FNIP2: variants seen among roughly 807,000 people sequenced by gnomAD.
The protein encoded by FNIP2 is folliculin interacting protein 2, also known as folliculin-interacting protein 2.
A neutral mutation model predicts 108.7 loss-of-function variants in FNIP2; 32 were observed. That is an observed-to-expected ratio of 0.29 (90% CI 0.22 to 0.40). The LOEUF (loss-of-function observed/expected upper bound fraction) is 0.40. Among genes scored for constraint, FNIP2 ranks in the 10% least tolerant of loss-of-function variants. The probability of loss-of-function intolerance (pLI) is 1.00; values close to 1 mark genes in which losing one functional copy is unlikely to be tolerated. For synonymous variants in FNIP2, 480 were observed against 496.7 expected (o/e 0.97, Z 0.45); for missense variants, 1,202 against 1,381.6 (o/e 0.87, Z 2.06).
At chr4:158,851,282 A>C in intron 7 of FNIP2, 39 bp from the exon 8 acceptor site, 1 of 1,612,670 alleles carries the variant, frequency 6.2e-7, no homozygotes, top group South Asian at 1.1e-5. Flanking sequence ...CATGAGGACT[A>C]ATTGACCTCA....
chr4:158,869,461 TG>T, intron 13 of FNIP2, 33 bp downstream of exon 13: 1 of 1,537,674 alleles, frequency 6.5e-7, no homozygotes. Context: ...TAGAGGGAAC[TG>T]GGTTCAAATC....
intron 1 of FNIP2, chr4:158,806,088 C>A: frequency 9.5e-7 from 1 of 1,050,142 alleles, no homozygotes; most frequent in Non-Finnish European, 1.2e-6. Flanking sequence ...ACACTGCTGT[C>A]AAGTAGCTTT....
rs925811969 is a variant in FNIP2, at chr4:158,806,129, T to A, written c.108-19787T>A. On this transcript the variant is annotated intron_variant, in intron 1 of 16. Coordinates refer to ENST00000264433, the MANE Select transcript of FNIP2 (RefSeq NM_020840.3). ...CATACTGTATAGGGAGTGAAATGAT[T>A]GTTTAGAACTGCTGGTCATTACAGA... 18 of 1,195,284 alleles carry A rather than the reference T, an allele frequency of 1.5e-5. No individual in the cohort carries two copies. In the African/African-American group the frequency reaches 2.9e-4, roughly 19 times the overall value. 74.0% of individuals were successfully genotyped at this position (1,195,284 alleles called of 1,614,324 possible).
At chr4:158,857,769 T>C (rs1334469904) in intron 8 of FNIP2, among the ~76,000 whole-genome samples, 3 of 125,302 alleles carry the variant, frequency 2.4e-5, no homozygotes, top group Non-Finnish European at 3.3e-5. Flanking sequence ...GTAGGGAGAC[T>C]CCATCTCTAC....
intron 1 of FNIP2, among the ~76,000 whole-genome samples, chr4:158,809,466 TAAAATC>T (rs1409872409): frequency 5.9e-5 from 9 of 151,366 alleles, no homozygotes; most frequent in Admixed American, 3.9e-4. Flanking sequence ...CTCAAAAAAA[TAAAATC>T]TAGTGACTCT....
chr4:158,860,101 A>T (rs1780196243), intron 10 of FNIP2, among the ~76,000 whole-genome samples: 1 of 152,222 alleles, frequency 6.6e-6, no homozygotes, highest in Non-Finnish European at 1.5e-5. Context: ...GTCCTAGTTT[A>T]CACCAAGTGT....
intron 14 of FNIP2, among the ~76,000 whole-genome samples, chr4:158,887,736 C>CAA (rs10645281): frequency 0.81 from 64,927 of 80,112 alleles, 26,042 homozygotes; most frequent in South Asian, 0.9. Context: ...GACTCTGTCT[C>CAA]AAAAAAAAAA....
chr4:158,871,406 AT>A (rs201052370), intron 14 of FNIP2: 1,523 of 716,816 alleles, frequency 2.1e-3, no homozygotes, highest in South Asian at 2.4e-3. Context: ...GCCAACAAGT[AT>A]TTTTTTTTTT....
At chr4:158,826,078 G>A (rs772690177) in intron 2 of FNIP2, 36 bp downstream of exon 2, 2 of 1,590,980 alleles carry the variant, frequency 1.3e-6, no homozygotes, top group East Asian at 2.3e-5. Context: ...CTTTTCTTTT[G>A]TGCTTTTAAC....
At chr4:158,832,036 T>A in intron 4 of FNIP2, 31 bp from the exon 5 acceptor site, 1 of 1,608,234 alleles carries the variant, frequency 6.2e-7, no homozygotes, top group Non-Finnish European at 8.5e-7. Flanking sequence ...CATAAATTTA[T>A]TTTTCCCCTC....
chr4:158,870,210 T>G (rs890583751), intron 13 of FNIP2, 103 bp from the exon 14 acceptor site: 2 of 1,284,104 alleles, frequency 1.6e-6, no homozygotes, highest in African/African-American at 2.9e-5. Flanking sequence ...CCACCCTGAA[T>G]CTATTTTATT....
chr4:158,870,724 A>G (rs1265769302), intron 14 of FNIP2, among the ~76,000 whole-genome samples: 1 of 152,250 alleles, frequency 6.6e-6, no homozygotes, highest in African/African-American at 2.4e-5. Context: ...CTAAGCCAGG[A>G]CGAGGGGCGG....
At chr4:158,880,206 AT>A (rs1318227916) in intron 14 of FNIP2, among the ~76,000 whole-genome samples, 1 of 151,790 alleles carries the variant, frequency 6.6e-6, no homozygotes, top group African/African-American at 2.4e-5. Flanking sequence ...ATGCCCATCA[AT>A]AATAGACTGG....
intron 12 of FNIP2, among the ~76,000 whole-genome samples, chr4:158,864,164 G>T (rs188939811): frequency 6.6e-6 from 1 of 152,224 alleles, no homozygotes; most frequent in East Asian, 1.9e-4. Context: ...CTCCCTGGTG[G>T]CTGGGACTAC....
chr4:158,904,456 C>T lies in FNIP2; in HGVS notation c.3267-10C>T, dbSNP rs1194242676. The T allele has an allele frequency of 6.2e-7, 1 of 1,607,096 alleles. No homozygotes were observed. Among genetic ancestry groups the T allele is most frequent in the South Asian group, 1.1e-5 (1 of 90,918 alleles). ...TTAAAGTAATATTCTTTTCTTTTCT[C>T]AATATTCAGGATTGAATCCAACGAC... On this transcript the variant is annotated splice_polypyrimidine_tract_variant and intron_variant, in intron 16 of 16. Transcript: ENST00000264433.
chr4:158,878,206 A>G (rs950832969), intron 14 of FNIP2, among the ~76,000 whole-genome samples: 1 of 152,164 alleles, frequency 6.6e-6, no homozygotes, highest in Non-Finnish European at 1.5e-5. Flanking sequence ...CAGTCTTGAT[A>G]CAGGTCCTAG....
intron 1 of FNIP2, among the ~76,000 whole-genome samples, chr4:158,782,845 G>A (rs1776099511): frequency 1.3e-5 from 2 of 152,140 alleles, no homozygotes; most frequent in African/African-American, 4.8e-5. Context: ...GTATGTAGGG[G>A]GTGGGTGCTA....
Position 158,856,720 on chromosome 4 carries a change from C to T in FNIP2, c.858-2337C>T, listed in dbSNP as rs529086320. On this transcript the variant is annotated intron_variant, in intron 8 of 16. Coordinates refer to ENST00000264433, the MANE Select transcript of FNIP2 (RefSeq NM_020840.3). Reference sequence around the variant, plus strand: ...TAACTCCAGCATTGTTACTAAGAACCTTTCTGTTCCTGAGGAAAGTTGAGG... The same window carrying T: ...TAACTCCAGCATTGTTACTAAGAACTTTTCTGTTCCTGAGGAAAGTTGAGG... 4.6e-5 allele frequency among the ~76,000 whole-genome samples: 7 copies of T among 152,278 alleles called. No homozygotes were observed. The East Asian group carries it at 1.2e-3, about 25-fold the overall frequency.
At chr4:158,847,274 A>G (rs539776621) in intron 7 of FNIP2, among the ~76,000 whole-genome samples, 12 of 152,302 alleles carry the variant, frequency 7.9e-5, no homozygotes, top group African/African-American at 2.9e-4. Flanking sequence ...AGCCGGGGCA[A>G]CTAAGGGAAT....
Sources: gnomAD v4.1 joint callset for allele counts (sites outside exome capture counted in the v4.1 genomes callset) on GRCh38, gnomAD v4.1.1 for gene constraint, MANE v1.5 for transcripts, NCBI Gene and HGNC (gene_info 2026-07-23, HGNC 2026-07-21) for gene names.